Variants in ATL2 observed in about 807,000 individuals in gnomAD.
ATL2 encodes atlastin-2.
ATL2 carries 31 observed loss-of-function variants against 73.9 expected under a neutral mutation model. That is an observed-to-expected ratio of 0.42 (90% CI 0.32 to 0.57). ATL2 has a LOEUF of 0.57. Among genes scored for constraint, ATL2 ranks in the 20% least tolerant of loss-of-function variants. The pLI is 0.14. For missense variants in ATL2, 738 were observed against 702.6 expected, an observed-to-expected ratio of 1.05 and a Z score of -0.57; for synonymous variants, 291 against 237.5, an observed-to-expected ratio of 1.23 and a Z score of -2.07.
rs1456968861 is a variant in ATL2, at chr2:38,376,286, C to G, written c.118+857G>C. ...TTATGAGTGAGAGGGATACACTGCG[C>G]TGCCAACGCAACTGCGTCTTCGAGG... On this transcript the variant is annotated intron_variant, in intron 1 of 12. Transcript: ENST00000378954. 4 of 1,344,922 alleles carry G rather than the reference C, an allele frequency of 3.0e-6. No individual in the cohort carries two copies. The East Asian group carries it at 1.0e-4, about 34-fold the overall frequency. 83.3% of individuals were successfully genotyped at this position (1,344,922 alleles called of 1,614,324 possible).
At chr2:38,326,889 G>A (rs577425486) in intron 2 of ATL2, among the ~76,000 whole-genome samples, 60 of 152,242 alleles carry the variant, frequency 3.9e-4, no homozygotes, top group African/African-American at 1.4e-3. Context: ...TTGGGAGGCT[G>A]AGGCAGGAGA....
chr2:38,365,578 C>T (rs2124481047), intron 1 of ATL2, among the ~76,000 whole-genome samples: 1 of 152,234 alleles, frequency 6.6e-6, no homozygotes, highest in African/African-American at 2.4e-5. Flanking sequence ...ATCACGAGGT[C>T]AGGAGTTCGA....
intron 1 of ATL2, among the ~76,000 whole-genome samples, chr2:38,355,915 G>T (rs896147581): frequency 6.6e-6 from 1 of 151,420 alleles, no homozygotes; most frequent in African/African-American, 2.4e-5. Context: ...GGCTGGTCTT[G>T]AACTCCTGAC....
intron 2 of ATL2, among the ~76,000 whole-genome samples, chr2:38,334,856 T>TTTATATATTATATAATATATA (rs1669214448): frequency 4.5e-5 from 2 of 44,110 alleles, no homozygotes; most frequent in Non-Finnish European, 1.3e-4. Flanking sequence ...ATATTCAATA[T>TTTATATATTATATAATATATA]TTATATATTA....
intron 2 of ATL2, among the ~76,000 whole-genome samples, chr2:38,321,879 A>C (rs1668341297): frequency 6.6e-6 from 1 of 151,984 alleles, no homozygotes; most frequent in South Asian, 2.1e-4. Flanking sequence ...CACCTGGCTG[A>C]TTTTGGTATT....
rs1052260922 is a variant in ATL2, at chr2:38,353,959, A to G, written c.119-10447T>C. On this transcript the variant is annotated intron_variant, in intron 1 of 12. Transcript: ENST00000378954. ...TGTAATCCCAGCACTTTGGGCGGCC[A>G]AGGTGGGCAGATCACGAGAGGTCAG... 9.8e-5 allele frequency: 19 copies of G among 194,450 alleles called. No individual in the cohort carries two copies. The Admixed American group carries it at 1.1e-3, about 11-fold the overall frequency. 12.0% of individuals were successfully genotyped at this position (194,450 alleles called of 1,614,324 possible).
rs76025416 is a variant in ATL2, at chr2:38,333,383, T to TA, written c.363+9884dup. Among the ~76,000 whole-genome samples the TA allele has an allele frequency of 7.2e-3, 1,095 of 151,170 alleles. 14 individuals are homozygous for TA. Among genetic ancestry groups the TA allele is most frequent in the East Asian group, 0.057 (293 of 5,162 alleles). ...GAAGGAGGTAGGGAGTTAATTACCT[T>TA]AAAAAAAAAGTCTCCTCCAAAAACA... On this transcript the variant is annotated intron_variant, in intron 2 of 12. Transcript: ENST00000378954.
At chr2:38,346,544 C>A (rs187611860) in intron 1 of ATL2, among the ~76,000 whole-genome samples, 1 of 152,270 alleles carries the variant, frequency 6.6e-6, no homozygotes, top group East Asian at 1.9e-4. Flanking sequence ...ACAAGTTTTC[C>A]ACAGAAGGGG....
chr2:38,300,436 A>G, intron 9 of ATL2, 108 bp from the exon 10 acceptor site: 1 of 710,046 alleles, frequency 1.4e-6, no homozygotes, highest in East Asian at 2.7e-5. Flanking sequence ...CATTAAAAGT[A>G]AATTCTAGGC....
chr2:38,376,910 G>A (rs1672005566), intron 1 of ATL2, among the ~76,000 whole-genome samples: 1 of 150,666 alleles, frequency 6.6e-6, no homozygotes, highest in African/African-American at 2.4e-5. Context: ...GCGCGCCACT[G>A]GTTCTCCCAG....
chr2:38,353,609 G>A (rs912144014), intron 1 of ATL2, among the ~76,000 whole-genome samples: 5 of 152,126 alleles, frequency 3.3e-5, no homozygotes, highest in South Asian at 2.1e-4. Flanking sequence ...CCTCCAGTAC[G>A]GTAATACAAA....
At chr2:38,324,859 T>C (rs1406954665) in intron 2 of ATL2, among the ~76,000 whole-genome samples, 1 of 152,200 alleles carries the variant, frequency 6.6e-6, no homozygotes, top group South Asian at 2.1e-4. Context: ...GAAAGTAGAA[T>C]GGTGGATGCC....
intron 3 of ATL2, 35 bp downstream of exon 3, chr2:38,318,850 G>C: frequency 6.3e-7 from 1 of 1,592,494 alleles, no homozygotes; most frequent in South Asian, 1.1e-5. Context: ...GCCCAAGAAA[G>C]AATACAGGGT....
chr2:38,342,348 T>A (rs1413044381), intron 2 of ATL2, among the ~76,000 whole-genome samples: 3 of 151,944 alleles, frequency 2.0e-5, no homozygotes, highest in African/African-American at 7.3e-5. Context: ...TAAAGTAATA[T>A]CAATAAAACA....
chr2:38,314,747 A>C, intron 5 of ATL2, 83 bp from the exon 6 acceptor site: 1 of 831,278 alleles, frequency 1.2e-6, no homozygotes, highest in Non-Finnish European at 1.9e-6. Flanking sequence ...CCAAAGCTCC[A>C]GGTACCAGAA....
intron 1 of ATL2, among the ~76,000 whole-genome samples, chr2:38,375,945 A>C (rs1209178395): frequency 1.3e-5 from 2 of 152,222 alleles, no homozygotes; most frequent in African/African-American, 4.8e-5. Context: ...AGGAATGATG[A>C]AGTATATTTC....
chr2:38,351,398 G>A (rs1670327493), intron 1 of ATL2, among the ~76,000 whole-genome samples: 1 of 151,994 alleles, frequency 6.6e-6, no homozygotes, highest in Admixed American at 6.6e-5. Context: ...CCTCAAAACT[G>A]GAAAGTGGCC....
intron 1 of ATL2, among the ~76,000 whole-genome samples, chr2:38,350,224 A>C (rs1455423087): frequency 1.3e-5 from 2 of 152,106 alleles, no homozygotes; most frequent in Admixed American, 1.3e-4. Context: ...CAGCCCCCCA[A>C]CACATTTTTG....
rs1351789814 is a variant in ATL2 at position 38,300,312 on chromosome 2, T to C, written c.1088A>G (p.Tyr363Cys). Residue 363 changes from tyrosine (Y) to cysteine (C), a missense_variant, in exon 10 of 13, where the codon TAT becomes TGT. Physicochemically the swap from Tyr to Cys is radical, Grantham distance 194. Coordinates refer to ENST00000378954, the MANE Select transcript of ATL2 (RefSeq NM_001135673.4). ...VEYFKAYIKI[Y>C]QGEELPHPKS... is the part of the protein sequence containing the mutation. ...TGGATGTGGAAGTTCTTCTCCTTGA[T>C]AGATTTTGATGTAAGCCTAAAAAGG... 8.1e-6 allele frequency: 13 copies of C among 1,609,304 alleles called. No homozygotes were observed. Among genetic ancestry groups the C allele is most frequent in the South Asian group, 1.1e-5 (1 of 90,914 alleles).
Sources: allele counts gnomAD v4.1 joint callset (sites outside exome capture counted in the v4.1 genomes callset), GRCh38; gene constraint gnomAD v4.1.1; transcripts MANE v1.5; gene names NCBI Gene and HGNC (gene_info 2026-07-23, HGNC 2026-07-21).